The following LRRN2 variants were observed in gnomAD, a reference collection of about 807,000 sequenced individuals.
The protein encoded by LRRN2 is leucine rich repeat neuronal 2, also known as leucine-rich repeat neuronal protein 2.
LRRN2 carries 10 observed loss-of-function variants against 35.7 expected under a neutral mutation model. That is an observed-to-expected ratio of 0.28 (90% CI 0.17 to 0.47). The LOEUF is 0.47. LRRN2 is among the 20% of genes least tolerant of loss of function. LRRN2 has a pLI of 0.99. For synonymous variants in LRRN2, 391 were observed against 409.6 expected (o/e 0.95, Z 0.55); for missense variants, 731 against 940.3 (o/e 0.78, Z 2.91).
At chr1:204,655,978 C>A (rs977803321) in intron 1 of LRRN2, among the ~76,000 whole-genome samples, 3 of 152,152 alleles carry the variant, frequency 2.0e-5, no homozygotes, top group African/African-American at 7.2e-5. Context: ...GGCGCGATCT[C>A]GGCTCACTGC....
At position 204,671,675 on chromosome 1, in the gene LRRN2, A is replaced by T. The variant is rs10793714; in HGVS notation, c.-227+13645T>A. Among the ~76,000 whole-genome samples the T allele has an allele frequency of 1.8e-5, 2 of 111,466 alleles. 1 individual carries two copies. The highest frequency in any genetic ancestry group is 3.9e-5 in the Non-Finnish European group (2 of 51,710). 73.1% of individuals were successfully genotyped at this position (111,466 alleles called of 152,430 possible). A position where few individuals can be genotyped will look rare whatever the true frequency, so the allele number is the denominator to read the frequency against. On this transcript the variant is annotated intron_variant, in intron 1 of 1. Transcript: ENST00000367177. ...AAAAAAAAAAAAAAAAAAAAAGCAAAGGTGCCAATGGAGCAAAGTTCCCAA... is the reference window on the plus strand; with the variant it reads ...AAAAAAAAAAAAAAAAAAAAAGCAATGGTGCCAATGGAGCAAAGTTCCCAA...
At chr1:204,647,955 T>C (rs989472773) in intron 1 of LRRN2, among the ~76,000 whole-genome samples, 1 of 152,276 alleles carries the variant, frequency 6.6e-6, no homozygotes, top group East Asian at 1.9e-4. Flanking sequence ...TGTTATTAAC[T>C]TCACCTGTTT....
intron 1 of LRRN2, among the ~76,000 whole-genome samples, chr1:204,680,436 G>GA (rs1668922467): frequency 6.6e-6 from 1 of 152,134 alleles, no homozygotes; most frequent in Admixed American, 6.5e-5. Flanking sequence ...GAAACACACA[G>GA]AAAAAAACGA....
intron 1 of LRRN2, among the ~76,000 whole-genome samples, chr1:204,622,522 AACTC>A (rs1666973222): frequency 6.6e-6 from 1 of 152,150 alleles, no homozygotes; most frequent in Admixed American, 6.5e-5. Context: ...CGACACGTAA[AACTC>A]AGTGTGAACA....
rs2102567415 is a variant in LRRN2, at chr1:204,619,729, C to T, written c.264G>A (p.Glu88=). 6.2e-7 allele frequency: 1 copy of T among 1,614,234 alleles called. No homozygotes were observed. Among genetic ancestry groups the T allele is most frequent in the Non-Finnish European group, 8.5e-7 (1 of 1,180,018 alleles). Residue 88 remains glutamate, a synonymous_variant, in exon 2 of 2, where the codon GAG becomes GAA. Coordinates refer to ENST00000367177, the MANE Select transcript of LRRN2 (RefSeq NM_201630.2). The part of the protein sequence containing the change: ...SNSIVRVDQS[E]LGYLANLTEL... The stretch of plus-strand genomic sequence containing the variant: ...CTGTGAGATTGGCCAGGTAGCCCAG[C>T]TCACTCTGGTCCACACGGACAATGC...
In LRRN2 at chr1:204,685,386, C is replaced by G. The variant is rs1203925461; in HGVS notation, c.-293G>C. 1.3e-5 allele frequency: 2 copies of G among 151,574 alleles called. No individual in the cohort carries two copies. The highest frequency in any genetic ancestry group is 3.9e-4 in the East Asian group (2 of 5,178). 9.4% of individuals were successfully genotyped at this position (151,574 alleles called of 1,614,324 possible). A position where few individuals can be genotyped will look rare whatever the true frequency, so the allele number is the denominator to read the frequency against. Reference sequence around the variant, plus strand: ...GGCCGCGCTCCGCTCGCCTTCCGCCCGGGGCCGGGCTGGGGACGCTGGTCC... The same window carrying G: ...GGCCGCGCTCCGCTCGCCTTCCGCCGGGGGCCGGGCTGGGGACGCTGGTCC... On this transcript the variant is annotated 5_prime_UTR_variant, in exon 1 of 2. Transcript: ENST00000367177.
intron 1 of LRRN2, among the ~76,000 whole-genome samples, chr1:204,680,252 C>T (rs1195166289): frequency 6.6e-6 from 1 of 152,142 alleles, no homozygotes; most frequent in Non-Finnish European, 1.5e-5. Context: ...TGGCACAGTG[C>T]CTGGCACACA....
In LRRN2 at chr1:204,619,036, A is replaced by G; in HGVS notation, c.957T>C (p.Asn319=). 1 of 1,607,972 alleles carries G rather than the reference A, an allele frequency of 6.2e-7. No individual in the cohort carries two copies. Among genetic ancestry groups the G allele is most frequent in the Non-Finnish European group, 8.5e-7 (1 of 1,176,084 alleles). ...LPELTKLDIT[N]NPRLSFIHPR... ...GGTGGATGAAGGACAGCCGTGGGTT[A>G]TTGGTGATGTCCAGCTTGGTCAGCT... Residue 319 remains asparagine (N), a synonymous_variant, in exon 2 of 2, where the codon AAT becomes AAC. Transcript: ENST00000367177.
At position 204,657,341 on chromosome 1, in the gene LRRN2, T is replaced by TACACACACACACACAC. The variant is rs34779515; in HGVS notation, c.-227+27963_-227+27978dup. 2.7e-3 allele frequency among the ~76,000 whole-genome samples: 397 copies of TACACACACACACACAC among 147,042 alleles called. 3 individuals are homozygous for TACACACACACACACAC. The East Asian group carries it at 0.028, about 10-fold the overall frequency. ...CTATGTGTCTATATATATGTATATA[T>TACACACACACACACAC]ACACACACACACACACACACACACA... is the stretch of plus-strand genomic sequence containing the variant. On this transcript the variant is annotated intron_variant, in intron 1 of 1. Transcript: ENST00000367177.
At chr1:204,672,452 C>T (rs1490761276) in intron 1 of LRRN2, among the ~76,000 whole-genome samples, 1 of 152,114 alleles carries the variant, frequency 6.6e-6, no homozygotes, top group Non-Finnish European at 1.5e-5. Context: ...AATTGGGGTC[C>T]CTGAGCCATT....
intron 1 of LRRN2, among the ~76,000 whole-genome samples, chr1:204,626,367 G>A (rs192508374): frequency 2.0e-3 from 298 of 151,936 alleles, no homozygotes; most frequent in Non-Finnish European, 3.5e-3. Flanking sequence ...CTGCTCACCT[G>A]AGAGAGCCAC....
chr1:204,652,448 T>C (rs1207277515), intron 1 of LRRN2, among the ~76,000 whole-genome samples: 1 of 151,656 alleles, frequency 6.6e-6, no homozygotes, highest in African/African-American at 2.4e-5. Flanking sequence ...CGAGCTAAAG[T>C]TTTGGCTCCT....
At chr1:204,665,328 AG>A (rs1668555259) in intron 1 of LRRN2, among the ~76,000 whole-genome samples, 1 of 152,128 alleles carries the variant, frequency 6.6e-6, no homozygotes, top group African/African-American at 2.4e-5. Context: ...TTTTGGAGAC[AG>A]GTTCTCCTCC....
chr1:204,664,989 C>G (rs1158273337), intron 1 of LRRN2, among the ~76,000 whole-genome samples: 1 of 152,142 alleles, frequency 6.6e-6, no homozygotes, highest in Non-Finnish European at 1.5e-5. Flanking sequence ...CCCATGAGTC[C>G]CTAGAACAGT....
At chr1:204,666,156 T>C (rs1668570520) in intron 1 of LRRN2, among the ~76,000 whole-genome samples, 1 of 152,256 alleles carries the variant, frequency 6.6e-6, no homozygotes, top group African/African-American at 2.4e-5. Context: ...ATGCCAGCCC[T>C]GTATGTGGTC....
intron 1 of LRRN2, among the ~76,000 whole-genome samples, chr1:204,679,306 C>T (rs1027918792): frequency 6.6e-6 from 1 of 152,202 alleles, no homozygotes; most frequent in African/African-American, 2.4e-5. Flanking sequence ...GTGGTCATTC[C>T]CCCTTCTGGG....
chr1:204,671,403 TTGTGTGTGTG>T (rs60084787), intron 1 of LRRN2, among the ~76,000 whole-genome samples: 2 of 122,880 alleles, frequency 1.6e-5, no homozygotes, highest in South Asian at 3.0e-4. Context: ...GTTTGTGTGT[TTGTGTGTGTG>T]TGTGTGTGTG....
At chr1:204,657,179 C>A (rs1254616049) in intron 1 of LRRN2, among the ~76,000 whole-genome samples, 1 of 152,014 alleles carries the variant, frequency 6.6e-6, no homozygotes, top group Non-Finnish European at 1.5e-5. Context: ...GTGGTGCAGA[C>A]CTGTAATCCC....
At chr1:204,678,012 G>A (rs1032497832) in intron 1 of LRRN2, among the ~76,000 whole-genome samples, 20 of 152,140 alleles carry the variant, frequency 1.3e-4, no homozygotes, top group African/African-American at 4.3e-4. Context: ...CAAGTTCTCC[G>A]TGCGAGAATC....
Sources: allele counts gnomAD v4.1 joint callset (sites outside exome capture counted in the v4.1 genomes callset), GRCh38; gene constraint gnomAD v4.1.1; transcripts MANE v1.5; gene names NCBI Gene and HGNC (gene_info 2026-07-23, HGNC 2026-07-21).